The following PTPRB variants were observed in gnomAD, a reference collection of about 807,000 sequenced individuals.
The protein encoded by PTPRB is protein tyrosine phosphatase receptor type B.
Under a neutral mutation model 238.1 loss-of-function variants are expected in PTPRB, and 97 were observed. The ratio of observed to expected loss-of-function variants is 0.41; its 90% CI spans 0.35 to 0.48. PTPRB has a LOEUF of 0.48. Among genes scored for constraint, PTPRB ranks in the 20% least tolerant of loss-of-function variants. The probability of loss-of-function intolerance (pLI) is 0.30; values close to 1 mark genes in which losing one functional copy is unlikely to be tolerated. For synonymous variants in PTPRB, 970 were observed against 995.4 expected (o/e 0.97, Z 0.48); for missense variants, 2,292 against 2,681.9 (o/e 0.85, Z 3.21).
rs777989227 is a variant in PTPRB at position 70,637,357 on chromosome 12, C to A, written c.39G>T (p.Leu13Phe). ...AEFYMVILTC[L>F]IFRNSEGFQI... ...CCCACTCACCTGAGTTCCTGAAGAT[C>A]AAGCAGGTAAGAATCACCATGTAAA... The change falls in exon 1 of 34, where the codon TTG (leucine) becomes TTT (phenylalanine). Residue 13 changes from leucine to phenylalanine, a missense_variant. Leu to Phe is a conservative substitution (Grantham distance 22). Coordinates refer to ENST00000334414, the MANE Select transcript of PTPRB (RefSeq NM_001109754.4). The A allele has an allele frequency of 3.1e-6, 5 of 1,608,892 alleles. No homozygotes were observed. Among genetic ancestry groups the A allele is most frequent in the Middle Eastern group, 3.3e-4 (2 of 6,078 alleles).
chr12:70,609,990 C>T, intron 3 of PTPRB: 1 of 414,772 alleles, frequency 2.4e-6, no homozygotes, highest in Non-Finnish European at 3.9e-6. Context: ...TGCTGCTGCT[C>T]CTGCCGCCCC....
At chr12:70,524,273 A>AT (rs35772909) in intron 33 of PTPRB, among the ~76,000 whole-genome samples, 198 bp downstream of exon 33, 2,204 of 142,012 alleles carry the variant, frequency 0.016, 32 homozygotes, top group African/African-American at 0.044. Flanking sequence ...ATGTCTGGCT[A>AT]TTTTTTTTTT....
intron 9 of PTPRB, among the ~76,000 whole-genome samples, chr12:70,582,766 A>C (rs1229482796): frequency 3.3e-5 from 5 of 152,126 alleles, no homozygotes; most frequent in Non-Finnish European, 1.5e-5. Context: ...ATATGACACC[A>C]CAGCATGATT....
intron 21 of PTPRB, among the ~76,000 whole-genome samples, chr12:70,546,415 A>G (rs1222779920): frequency 1.3e-5 from 2 of 152,180 alleles, no homozygotes; most frequent in African/African-American, 2.4e-5. Context: ...TGTGATCCCT[A>G]TCATAGGACC....
intron 7 of PTPRB, 103 bp from the exon 8 acceptor site, chr12:70,590,336 A>C: frequency 8.5e-7 from 1 of 1,182,048 alleles, no homozygotes; most frequent in Admixed American, 2.6e-5. Flanking sequence ...CAATATCTGC[A>C]GTTCAAAACA....
intron 14 of PTPRB, 142 bp from the exon 15 acceptor site, chr12:70,566,846 C>T: frequency 1.2e-6 from 1 of 868,400 alleles, no homozygotes; most frequent in Admixed American, 2.6e-5. Flanking sequence ...TTTCTGTGTG[C>T]CCTTATGGAG....
At chr12:70,624,721 T>G (rs1885099413) in intron 2 of PTPRB, among the ~76,000 whole-genome samples, 1 of 152,136 alleles carries the variant, frequency 6.6e-6, no homozygotes, top group Non-Finnish European at 1.5e-5. Flanking sequence ...TTTTAGCTCT[T>G]AGACCCTCAA....
rs1254260262 is a variant in PTPRB at position 70,576,403 on chromosome 12, A to G, written c.2821T>C (p.Ser941Pro). 1 of 1,611,720 alleles carries G rather than the reference A, an allele frequency of 6.2e-7. No homozygotes were observed. The highest frequency in any genetic ancestry group is 8.5e-7 in the Non-Finnish European group (1 of 1,179,210). Reference sequence around the variant, plus strand: ...TTACCTGTCCGCTCTTGGCTGAAGGAGTGATTTTCATACTTGCCACTCCTT... The same window carrying G: ...TTACCTGTCCGCTCTTGGCTGAAGGGGTGATTTTCATACTTGCCACTCCTT... ...TTRSGKYENH[S>P]FSQERTVPDK... The change falls in exon 11 of 34, where the codon TCC becomes CCC. Residue 941 changes from serine (S) to proline (P), a missense_variant. Ser to Pro is a moderately conservative substitution (Grantham distance 74, BLOSUM62 -1). This residue lies in a region of PTPRB where 1,205 missense variants were observed against 1,287.8 expected (regional missense o/e 0.94). Transcript: ENST00000334414.
chr12:70,520,501 G>A lies in PTPRB; in HGVS notation c.*988C>T. ...TGTTGGCATTAAGCCTTTTAATGAG[G>A]GGCACAATCTGCTACCATAATATTC... On this transcript the variant is annotated 3_prime_UTR_variant, in exon 34 of 34. Coordinates refer to ENST00000334414, the MANE Select transcript of PTPRB (RefSeq NM_001109754.4). The A allele has an allele frequency of 9.7e-6, 2 of 205,632 alleles. No homozygotes were observed. Among genetic ancestry groups the A allele is most frequent in the South Asian group, 6.6e-5 (1 of 15,244 alleles). The allele number at this position is 205,632 out of a possible 1,614,324, so 12.7% of individuals were successfully genotyped here. A position where few individuals can be genotyped will look rare whatever the true frequency, so the allele number is the denominator to read the frequency against.
intron 3 of PTPRB, among the ~76,000 whole-genome samples, chr12:70,611,226 TCTA>T (rs1460106646): frequency 6.6e-6 from 1 of 152,206 alleles, no homozygotes; most frequent in East Asian, 1.9e-4. Flanking sequence ...ATCTACTGTG[TCTA>T]CTTTGAGGAA....
At chr12:70,604,096 C>T (rs1265934123) in intron 4 of PTPRB, among the ~76,000 whole-genome samples, 2 of 152,000 alleles carry the variant, frequency 1.3e-5, no homozygotes, top group African/African-American at 4.8e-5. Flanking sequence ...AAAAAACTAG[C>T]TGGGTGTGGT....
intron 2 of PTPRB, among the ~76,000 whole-genome samples, chr12:70,632,081 T>C (rs1340555960): frequency 3.3e-5 from 5 of 152,186 alleles, no homozygotes; most frequent in East Asian, 1.9e-4. Flanking sequence ...TTACTGGGTA[T>C]ATACTCAAAG....
In PTPRB at chr12:70,544,793, G is replaced by A. The variant is rs1027508736; in HGVS notation, c.5388-130C>T. On this transcript the variant is annotated intron_variant, in intron 21 of 33. Transcript: ENST00000334414. ...AGGGTAGAATATGAGTTATGGAATC[G>A]GATAGACCTGGGTTCATGCATTCAT... is the stretch of plus-strand genomic sequence containing the variant. 31 of 551,636 alleles carry A rather than the reference G, an allele frequency of 5.6e-5. 1 individual carries two copies. The highest frequency in any genetic ancestry group is 2.5e-5 in the Non-Finnish European group (8 of 319,228). The allele number at this position is 551,636 out of a possible 1,614,324, so 34.2% of individuals were successfully genotyped here. A position where few individuals can be genotyped will look rare whatever the true frequency, so the allele number is the denominator to read the frequency against.
chr12:70,599,739 C>T (rs1290604467), intron 4 of PTPRB, among the ~76,000 whole-genome samples: 3 of 152,106 alleles, frequency 2.0e-5, no homozygotes, highest in Non-Finnish European at 4.4e-5. Context: ...TTTCTTTTCT[C>T]AAAAGAAAAG....
chr12:70,594,805 T>A, intron 5 of PTPRB, 81 bp from the exon 6 acceptor site: 6 of 1,491,046 alleles, frequency 4.0e-6, no homozygotes, highest in Non-Finnish European at 5.5e-6. Flanking sequence ...AGAAGTCACA[T>A]ATTCATTTGT....
rs59430616 is a variant in PTPRB, at chr12:70,533,479, CAGAG to C, written c.6368+1005_6368+1008del. Among the ~76,000 whole-genome samples, 6 of 151,996 alleles carry C rather than the reference CAGAG, an allele frequency of 3.9e-5. No individual in the cohort carries two copies. In the South Asian group the frequency reaches 6.2e-4, roughly 16 times the overall value. ...TTAATTTGCTAGATACCAGGCTCGC[CAGAG>C]AGAGAGAGATTTCACTTGTTAGGTT... is the stretch of plus-strand genomic sequence containing the variant. On this transcript the variant is annotated intron_variant, in intron 31 of 33. Transcript: ENST00000334414.
chr12:70,634,787 GTCT>G (rs1885608501), intron 2 of PTPRB, among the ~76,000 whole-genome samples: 1 of 152,166 alleles, frequency 6.6e-6, no homozygotes, highest in African/African-American at 2.4e-5. Context: ...TGAAAAATTT[GTCT>G]TCTTAGTGAG....
chr12:70,572,122 G>T (rs61930308), intron 11 of PTPRB, 35 bp from the exon 12 acceptor site: 293,407 of 1,549,506 alleles, frequency 0.19, 29,282 homozygotes, highest in Non-Finnish European at 0.2. Context: ...AAATATTTAT[G>T]AATTCTGAGT....
chr12:70,529,084 A>G (rs930051354), intron 32 of PTPRB, among the ~76,000 whole-genome samples: 6 of 152,108 alleles, frequency 3.9e-5, no homozygotes, highest in Non-Finnish European at 8.8e-5. Context: ...ACTGAGAGAA[A>G]GGGTGGTGCC....
Sources: gnomAD v4.1 joint callset for allele counts (sites outside exome capture counted in the v4.1 genomes callset) on GRCh38, gnomAD v4.1.1 for gene constraint, gnomAD v4.1.1 regional missense constraint, MANE v1.5 for transcripts, NCBI Gene and HGNC (gene_info 2026-07-23, HGNC 2026-07-21) for gene names.